MOXD1: variants seen among roughly 807,000 people sequenced by gnomAD.
The protein encoded by MOXD1 is DBH-like monooxygenase protein 1.
Under a neutral mutation model 66.6 loss-of-function variants are expected in MOXD1, and 62 were observed. That is an observed-to-expected ratio of 0.93 (90% confidence interval 0.76 to 1.15). The LOEUF (loss-of-function observed/expected upper bound fraction) is 1.15. Ranked by LOEUF, MOXD1 falls within the 50% of genes most tolerant of loss-of-function variation. The pLI is 0.00. For synonymous variants in MOXD1, 303 were observed against 281.9 expected (o/e 1.07, Z -0.75); for missense variants, 847 against 754.6 (o/e 1.12, Z -1.44).
intron 4 of MOXD1, among the ~76,000 whole-genome samples, chr6:132,343,995 T>C (rs1775618341): frequency 6.6e-6 from 1 of 152,056 alleles, no homozygotes; most frequent in African/African-American, 2.4e-5. Flanking sequence ...TTTTTCTATA[T>C]CTATTAAGAG....
rs991911101 is a variant in MOXD1 at position 132,372,912 on chromosome 6, G to A, written c.497C>T (p.Thr166Ile). The change falls in exon 3 of 12, where the codon ACC becomes ATC. Residue 166 changes from threonine to isoleucine, a missense_variant. Physicochemically the swap from Thr to Ile is moderately conservative, Grantham distance 89. Coordinates refer to ENST00000367963, the MANE Select transcript of MOXD1 (RefSeq NM_015529.4). Reference protein sequence around the residue: ...GPKYHDSNRGTKSLRLLNPEK... With the variant: ...GPKYHDSNRGIKSLRLLNPEK... Reference sequence around the variant, plus strand: ...AGGATTCAATAACCGCAAACTCTTGGTGCCCCTATTGGAGTCATGGTACTT... The same window carrying A: ...AGGATTCAATAACCGCAAACTCTTGATGCCCCTATTGGAGTCATGGTACTT... The A allele has an allele frequency of 6.2e-7, 1 of 1,613,934 alleles. No homozygotes were observed. The highest frequency in any genetic ancestry group is 8.5e-7 in the Non-Finnish European group (1 of 1,179,920).
At chr6:132,327,342 A>T (rs1303248146) in intron 6 of MOXD1, among the ~76,000 whole-genome samples, 1 of 152,114 alleles carries the variant, frequency 6.6e-6, no homozygotes, top group Non-Finnish European at 1.5e-5. Flanking sequence ...TCTGTTTTTC[A>T]CTCACTCTAT....
At position 132,371,351 on chromosome 6, in the gene MOXD1, A is replaced by G. The variant is rs1023153941; in HGVS notation, c.663+1257T>C. On this transcript the variant is annotated intron_variant, in intron 4 of 11. Transcript: ENST00000367963. ...AGAGGTAAATGATTCACCTGCAGTC[A>G]CAGTCTCCTGTTTGCAAAAATAACC... is the stretch of plus-strand genomic sequence containing the variant. Among the ~76,000 whole-genome samples the G allele has an allele frequency of 2.0e-5, 3 of 152,156 alleles. No homozygotes were observed. The East Asian group carries it at 5.8e-4, about 29-fold the overall frequency.
In MOXD1 at chr6:132,386,781, A is replaced by G. The variant is rs1000385926; in HGVS notation, c.265-12004T>C. On this transcript the variant is annotated intron_variant, in intron 1 of 11. Transcript: ENST00000367963. ...CAGTGACAATGCTCATGATCTCACAATCTTACAAGGCAATCTACTCAATTT... is the reference window on the plus strand; with the variant it reads ...CAGTGACAATGCTCATGATCTCACAGTCTTACAAGGCAATCTACTCAATTT... Among the ~76,000 whole-genome samples the G allele has an allele frequency of 4.6e-5, 7 of 151,420 alleles. No individual in the cohort carries two copies. The East Asian group carries it at 5.8e-4, about 12-fold the overall frequency.
intron 10 of MOXD1, among the ~76,000 whole-genome samples, chr6:132,302,890 A>T (rs1291546267): frequency 1.3e-5 from 2 of 152,162 alleles, no homozygotes; most frequent in African/African-American, 4.8e-5. Flanking sequence ...GAAAGAACCA[A>T]TATATGGACA....
At chr6:132,398,588 G>A (rs1314994314) in intron 1 of MOXD1, among the ~76,000 whole-genome samples, 2 of 151,960 alleles carry the variant, frequency 1.3e-5, no homozygotes, top group Non-Finnish European at 2.9e-5. Context: ...TTCTCGCCGG[G>A]AGCAAAATTA....
intron 10 of MOXD1, among the ~76,000 whole-genome samples, chr6:132,306,063 T>C (rs1774681647): frequency 6.6e-6 from 1 of 152,034 alleles, no homozygotes; most frequent in Admixed American, 6.6e-5. Context: ...ATAAAAACTA[T>C]GCTGGGCTAA....
chr6:132,305,124 C>T (rs759026506), intron 10 of MOXD1, among the ~76,000 whole-genome samples: 2 of 152,204 alleles, frequency 1.3e-5, no homozygotes, highest in Non-Finnish European at 2.9e-5. Context: ...GCTCCCTGGG[C>T]GAGGGAAGGG....
chr6:132,379,170 A>C (rs1338151123), intron 1 of MOXD1, among the ~76,000 whole-genome samples: 1 of 152,092 alleles, frequency 6.6e-6, no homozygotes, highest in Non-Finnish European at 1.5e-5. Flanking sequence ...AACATAAAAA[A>C]AGAATAATAT....
intron 1 of MOXD1, among the ~76,000 whole-genome samples, chr6:132,385,476 T>C (rs1776609502): frequency 7.4e-6 from 1 of 134,734 alleles, no homozygotes; most frequent in Admixed American, 7.2e-5. Context: ...TTATTATTAT[T>C]ATTATTATTA....
intron 4 of MOXD1, among the ~76,000 whole-genome samples, chr6:132,347,175 T>A (rs1473043643): frequency 2.0e-5 from 3 of 152,168 alleles, no homozygotes; most frequent in African/African-American, 7.2e-5. Flanking sequence ...TTAAGTAAAC[T>A]GAAGAAATTA....
intron 4 of MOXD1, among the ~76,000 whole-genome samples, chr6:132,348,962 A>T (rs1471037230): frequency 6.6e-6 from 1 of 151,810 alleles, no homozygotes; most frequent in Non-Finnish European, 1.5e-5. Context: ...TTCTCTCCTT[A>T]TTTATTTTTA....
chr6:132,386,078 G>C (rs2114685211), intron 1 of MOXD1, among the ~76,000 whole-genome samples: 1 of 139,932 alleles, frequency 7.1e-6, no homozygotes, highest in East Asian at 2.8e-4. Context: ...ACTCCAGCCT[G>C]GGCGACAGGG....
chr6:132,326,217 A>G (rs1460375763), intron 6 of MOXD1, among the ~76,000 whole-genome samples: 2 of 152,032 alleles, frequency 1.3e-5, no homozygotes, highest in Non-Finnish European at 2.9e-5. Flanking sequence ...AATTCGTATT[A>G]TGTTATATTT....
chr6:132,339,303 T>C (rs138239966), intron 4 of MOXD1, among the ~76,000 whole-genome samples: 2 of 152,330 alleles, frequency 1.3e-5, no homozygotes, highest in East Asian at 3.9e-4. Flanking sequence ...ATCACTTTGA[T>C]TTAAAAATGT....
chr6:132,329,255 G>T (rs1203748306), intron 4 of MOXD1, among the ~76,000 whole-genome samples: 1 of 152,088 alleles, frequency 6.6e-6, no homozygotes, highest in Non-Finnish European at 1.5e-5. Flanking sequence ...TGAGAATGTT[G>T]GTTTCCAGCT....
At chr6:132,330,345 G>A (rs986372617) in intron 4 of MOXD1, among the ~76,000 whole-genome samples, 7 of 152,286 alleles carry the variant, frequency 4.6e-5, no homozygotes, top group African/African-American at 1.2e-4. Flanking sequence ...ATAGGAGTGC[G>A]AATCTTATTA....
intron 4 of MOXD1, among the ~76,000 whole-genome samples, chr6:132,345,434 A>G (rs939739355): frequency 6.6e-6 from 1 of 152,200 alleles, no homozygotes; most frequent in Non-Finnish European, 1.5e-5. Context: ...AAAAAAGAAT[A>G]GAAAAGAAAA....
intron 1 of MOXD1, among the ~76,000 whole-genome samples, chr6:132,378,482 C>A (rs1205734204): frequency 6.7e-6 from 1 of 150,226 alleles, no homozygotes; most frequent in East Asian, 2.0e-4. Flanking sequence ...TTTATGGAAT[C>A]AAAATAAAAA....
Sources: allele counts gnomAD v4.1 joint callset (sites outside exome capture counted in the v4.1 genomes callset), GRCh38; gene constraint gnomAD v4.1.1; transcripts MANE v1.5; gene names NCBI Gene and HGNC (gene_info 2026-07-23, HGNC 2026-07-21).